TBC1D23: variants seen among roughly 807,000 people sequenced by gnomAD.
TBC1D23 encodes TBC1 domain family member 23, also known as HCV non-structural protein 4A-transactivated protein 1.
A neutral mutation model predicts 91.4 loss-of-function variants in TBC1D23; 55 were observed. That is an observed-to-expected ratio of 0.60 (90% confidence interval 0.48 to 0.75). The LOEUF (loss-of-function observed/expected upper bound fraction) is 0.75, where lower values mean the gene tolerates loss of function less well. Ranked by LOEUF, TBC1D23 falls within the 30% of genes least tolerant of loss-of-function variation. TBC1D23 has a pLI of 0.00. For synonymous variants in TBC1D23, 289 were observed against 281.0 expected, an observed-to-expected ratio of 1.03 and a Z score of -0.28; for missense variants, 725 against 836.1, an observed-to-expected ratio of 0.87 and a Z score of 1.64.
At chr3:100,296,888 C>T (rs1470122497) in intron 8 of TBC1D23, among the ~76,000 whole-genome samples, 1 of 149,970 alleles carries the variant, frequency 6.7e-6, no homozygotes, top group East Asian at 2.0e-4. Context: ...AATTATATTA[C>T]AGTAGTAATC....
intron 15 of TBC1D23, among the ~76,000 whole-genome samples, chr3:100,315,073 AAGGTCACACTTCCTAT>A (rs1391256495): frequency 2.6e-5 from 4 of 152,266 alleles, no homozygotes; most frequent in African/African-American, 9.6e-5. Context: ...ATTCCAAAGA[AAGGTCACACTTCCTAT>A]AGACCTAATC....
chr3:100,318,675 CA>C (rs1705798022), intron 16 of TBC1D23, among the ~76,000 whole-genome samples: 1 of 143,452 alleles, frequency 7.0e-6, no homozygotes, highest in Non-Finnish European at 1.5e-5. Context: ...TTTTTTGAGA[CA>C]GTCTCATTCT....
intron 10 of TBC1D23, among the ~76,000 whole-genome samples, chr3:100,300,900 C>T (rs866665725): frequency 6.6e-6 from 1 of 152,052 alleles, no homozygotes; most frequent in East Asian, 1.9e-4. Context: ...TGATTTTTCA[C>T]GTAACAGTTT....
intron 1 of TBC1D23, among the ~76,000 whole-genome samples, chr3:100,263,184 C>G (rs980097037): frequency 1.3e-5 from 2 of 152,184 alleles, no homozygotes; most frequent in African/African-American, 2.4e-5. Flanking sequence ...GGGAGTTGTT[C>G]TCTGGCGGGC....
At chr3:100,277,230 C>G (rs1197417026) in intron 1 of TBC1D23, among the ~76,000 whole-genome samples, 1 of 152,208 alleles carries the variant, frequency 6.6e-6, no homozygotes, top group Non-Finnish European at 1.5e-5. Context: ...AATGATTTAC[C>G]TTAACAATTT....
Position 100,285,435 on chromosome 3 carries a change from A to C in TBC1D23, c.476+1624A>C, listed in dbSNP as rs147407909. Among the ~76,000 whole-genome samples the C allele has an allele frequency of 1.9e-4, 29 of 152,134 alleles. 1 individual carries two copies. The East Asian group carries it at 5.2e-3, about 27-fold the overall frequency. ...TCTTATTTCATTTCTTTTTTTGCCA[A>C]ATTTTTTATTGTATGCGTATACCGC... On this transcript the variant is annotated intron_variant, in intron 4 of 18. Transcript: ENST00000394144.
intron 1 of TBC1D23, among the ~76,000 whole-genome samples, chr3:100,273,646 A>G (rs143503434): frequency 3.3e-5 from 5 of 152,242 alleles, no homozygotes; most frequent in Non-Finnish European, 7.3e-5. Context: ...TAACCAAAAC[A>G]GCAGGATACT....
At chr3:100,261,340 A>G (rs970855318) in intron 1 of TBC1D23, 31 of 524,262 alleles carry the variant, frequency 5.9e-5, no homozygotes, top group Non-Finnish European at 4.4e-5. Context: ...TCAGTCTCCA[A>G]AGTGTGCTGG....
Position 100,279,756 on chromosome 3 carries a change from G to A in TBC1D23, c.161G>A (p.Trp54Ter). Reference protein sequence around the residue: ...PLPADLRAKVWKIALNVAGKG... With the variant: ...PLPADLRAKV ...CCTGCTGATCTGAGGGCCAAAGTTTGGAAGGTAACTAGAAACTAAAATGAA... is the reference window on the plus strand; with the variant it reads ...CCTGCTGATCTGAGGGCCAAAGTTTAGAAGGTAACTAGAAACTAAAATGAA... The change falls in exon 2 of 19, where the codon TGG (tryptophan) becomes TAG (stop). Residue 54 changes from tryptophan to a stop codon, truncating the protein, a stop_gained. Coordinates refer to ENST00000394144, the MANE Select transcript of TBC1D23 (RefSeq NM_001199198.3). LOFTEE classifies it high-confidence loss of function. The A allele has an allele frequency of 1.3e-6, 2 of 1,568,132 alleles. No homozygotes were observed. Among genetic ancestry groups the A allele is most frequent in the Non-Finnish European group, 1.7e-6 (2 of 1,145,896 alleles).
chr3:100,291,295 A>C (rs1298224077), intron 5 of TBC1D23, among the ~76,000 whole-genome samples: 1 of 152,182 alleles, frequency 6.6e-6, no homozygotes, highest in Non-Finnish European at 1.5e-5. Flanking sequence ...GAAGTTGTTA[A>C]AACTAGACTA....
intron 1 of TBC1D23, among the ~76,000 whole-genome samples, chr3:100,272,898 C>G (rs922033023): frequency 2.0e-5 from 3 of 151,246 alleles, no homozygotes; most frequent in Non-Finnish European, 3.0e-5. Flanking sequence ...TTTCCCCTAT[C>G]TCAGTAGATG....
chr3:100,293,802 C>T (rs1003939258), intron 5 of TBC1D23, among the ~76,000 whole-genome samples: 16 of 150,926 alleles, frequency 1.1e-4, no homozygotes, highest in Non-Finnish European at 7.4e-5. Context: ...CCAAGTTCCT[C>T]GCCTGAAAAA....
At chr3:100,289,832 G>A (rs956479660) in intron 4 of TBC1D23, among the ~76,000 whole-genome samples, 2 of 152,106 alleles carry the variant, frequency 1.3e-5, no homozygotes, top group East Asian at 1.9e-4. Flanking sequence ...CGGGGGTTTG[G>A]TGTACAGATT....
At chr3:100,275,372 C>G (rs988732125) in intron 1 of TBC1D23, among the ~76,000 whole-genome samples, 7 of 152,118 alleles carry the variant, frequency 4.6e-5, no homozygotes, top group Non-Finnish European at 1.0e-4. Flanking sequence ...ACTGCAGCCT[C>G]TGCCTCCTGA....
intron 1 of TBC1D23, among the ~76,000 whole-genome samples, chr3:100,278,254 G>C (rs1253123610): frequency 6.6e-6 from 1 of 152,132 alleles, no homozygotes; most frequent in Non-Finnish European, 1.5e-5. Flanking sequence ...TGCCTTTTAG[G>C]CTGCTTCAAA....
At chr3:100,309,648 G>C (rs1014869511) in intron 13 of TBC1D23, among the ~76,000 whole-genome samples, 1 of 121,564 alleles carries the variant, frequency 8.2e-6, no homozygotes, top group Non-Finnish European at 1.6e-5. Flanking sequence ...GTCTCGCTCT[G>C]TCGCGCAGAC....
At chr3:100,283,228 G>A (rs1287801982) in intron 3 of TBC1D23, among the ~76,000 whole-genome samples, 1 of 152,148 alleles carries the variant, frequency 6.6e-6, no homozygotes, top group East Asian at 1.9e-4. Context: ...CAAAAATTTA[G>A]TTGGGTGTGG....
intron 8 of TBC1D23, among the ~76,000 whole-genome samples, 171 bp from the exon 9 acceptor site, chr3:100,297,752 A>G (rs573879372): frequency 6.6e-6 from 1 of 151,880 alleles, no homozygotes; most frequent in East Asian, 1.9e-4. Flanking sequence ...TTTATGTGAC[A>G]TTTTTGTAGT....
chr3:100,293,518 T>A (rs2067811261), intron 5 of TBC1D23, among the ~76,000 whole-genome samples: 1 of 152,168 alleles, frequency 6.6e-6, no homozygotes, highest in Admixed American at 6.5e-5. Context: ...AAAAAGTAAT[T>A]CCTAAACCAC....
Sources: allele counts gnomAD v4.1 joint callset (sites outside exome capture counted in the v4.1 genomes callset), GRCh38; gene constraint gnomAD v4.1.1; transcripts MANE v1.5; gene names NCBI Gene and HGNC (gene_info 2026-07-23, HGNC 2026-07-21).